The following PLA2G4A variants were observed in gnomAD, a reference collection of about 807,000 sequenced individuals.
PLA2G4A encodes the protein phospholipase A2 group IVA.
A neutral mutation model predicts 81.9 loss-of-function variants in PLA2G4A; 40 were observed. The observed-to-expected ratio is 0.49, with a 90% CI of 0.38 to 0.64. PLA2G4A has a LOEUF of 0.64. Ranked by LOEUF, PLA2G4A falls within the 30% of genes least tolerant of loss-of-function variation. The pLI is 0.00. For synonymous variants in PLA2G4A, 302 were observed against 296.9 expected (o/e 1.02, Z -0.18); for missense variants, 715 against 905.1 (o/e 0.79, Z 2.69).
intron 7 of PLA2G4A, among the ~76,000 whole-genome samples, chr1:186,923,758 T>A (rs1453256473): frequency 6.6e-6 from 1 of 152,240 alleles, no homozygotes; most frequent in Non-Finnish European, 1.5e-5. Context: ...TTCTTGTAAG[T>A]CATGACTGTC....
At chr1:186,846,058 T>C (rs1186312732) in intron 1 of PLA2G4A, among the ~76,000 whole-genome samples, 1 of 152,216 alleles carries the variant, frequency 6.6e-6, no homozygotes, top group Non-Finnish European at 1.5e-5. Context: ...TGCTATTTTA[T>C]GAGTATTCAT....
At chr1:186,851,901 T>A (rs10911929) in intron 1 of PLA2G4A, among the ~76,000 whole-genome samples, 33 of 151,978 alleles carry the variant, frequency 2.2e-4, no homozygotes, top group East Asian at 1.7e-3. Flanking sequence ...TAATAAGAGA[T>A]AAAGGAGAAA....
intron 1 of PLA2G4A, among the ~76,000 whole-genome samples, chr1:186,851,960 G>A (rs1365848105): frequency 6.6e-6 from 1 of 151,876 alleles, no homozygotes; most frequent in Non-Finnish European, 1.5e-5. Flanking sequence ...TAGAACAGAG[G>A]ATGAGGGATG....
chr1:186,851,225 G>A (rs1022518386), intron 1 of PLA2G4A, among the ~76,000 whole-genome samples: 1 of 151,916 alleles, frequency 6.6e-6, no homozygotes, highest in East Asian at 1.9e-4. Context: ...TACTGTCCTA[G>A]CATTGTCCTA....
intron 14 of PLA2G4A, among the ~76,000 whole-genome samples, chr1:186,963,367 T>C (rs1443677991): frequency 6.6e-6 from 1 of 152,226 alleles, no homozygotes; most frequent in Non-Finnish European, 1.5e-5. Flanking sequence ...GGTAGTCTAG[T>C]ATTTTGGCTG....
Position 186,939,140 on chromosome 1 carries a change from T to C in PLA2G4A, c.828T>C (p.Val276=). The change falls in exon 9 of 18, where the codon GTT becomes GTC. Residue 276 remains valine, a synonymous_variant. Coordinates refer to ENST00000367466, the MANE Select transcript of PLA2G4A (RefSeq NM_024420.3). ...LLTPQKVKRY[V]ESLWKKKSSG... ...CACCACAGAAAGTTAAAAGATATGT[T>C]GAGTCTTTATGGAAGAAGAAAAGCT... 6.2e-7 allele frequency: 1 copy of C among 1,609,526 alleles called. No homozygotes were observed.
intron 1 of PLA2G4A, among the ~76,000 whole-genome samples, chr1:186,829,237 C>A (rs577239617): frequency 1.3e-5 from 2 of 152,282 alleles, no homozygotes; most frequent in South Asian, 2.1e-4. Flanking sequence ...CAAACCCACG[C>A]AGATTTGCCT....
At chr1:186,897,512 A>T (rs946535616) in intron 5 of PLA2G4A, among the ~76,000 whole-genome samples, 5 of 151,954 alleles carry the variant, frequency 3.3e-5, no homozygotes, top group African/African-American at 1.2e-4. Context: ...TTTTATTTTT[A>T]TTTATTTATT....
At chr1:186,947,111 A>T in intron 12 of PLA2G4A, 150 bp downstream of exon 12, 1 of 602,166 alleles carries the variant, frequency 1.7e-6, no homozygotes, top group Non-Finnish European at 2.9e-6. Flanking sequence ...ATATTTCCTA[A>T]AAATAATATG....
chr1:186,881,788 T>C (rs10911944), intron 3 of PLA2G4A, among the ~76,000 whole-genome samples: 11,496 of 151,982 alleles, frequency 0.076, 537 homozygotes, highest in African/African-American at 0.12. Context: ...TAAAATGAAG[T>C]TTGAGTGGAG....
At chr1:186,862,672 C>T (rs748400389) in intron 2 of PLA2G4A, among the ~76,000 whole-genome samples, 4 of 152,136 alleles carry the variant, frequency 2.6e-5, no homozygotes, top group African/African-American at 9.7e-5. Flanking sequence ...CATTTGAAAA[C>T]CATCTGTGCA....
intron 1 of PLA2G4A, among the ~76,000 whole-genome samples, chr1:186,842,997 T>G (rs2102010010): frequency 6.6e-6 from 1 of 152,312 alleles, no homozygotes; most frequent in South Asian, 2.1e-4. Context: ...GAAAGGGGAT[T>G]CTAGGGCCAG....
At chr1:186,870,742 T>C (rs1201922060) in intron 3 of PLA2G4A, 7 of 1,546,664 alleles carry the variant, frequency 4.5e-6, no homozygotes, top group African/African-American at 1.4e-5. Flanking sequence ...TTTGGTGACA[T>C]GCGTAAGAGT....
At chr1:186,881,918 G>A (rs897057298) in intron 3 of PLA2G4A, among the ~76,000 whole-genome samples, 10 of 152,000 alleles carry the variant, frequency 6.6e-5, no homozygotes, top group African/African-American at 2.2e-4. Flanking sequence ...TGAGACTCTT[G>A]GACACAGGAG....
intron 17 of PLA2G4A, among the ~76,000 whole-genome samples, chr1:186,985,040 T>A (rs779817514): frequency 3.9e-4 from 60 of 152,198 alleles, no homozygotes; most frequent in Non-Finnish European, 7.5e-4. Context: ...TTGAACCACC[T>A]GTCTCTCAAG....
At chr1:186,863,854 G>A (rs1289315779) in intron 2 of PLA2G4A, among the ~76,000 whole-genome samples, 2 of 151,246 alleles carry the variant, frequency 1.3e-5, no homozygotes, top group East Asian at 1.9e-4. Flanking sequence ...TCCGCCTCCC[G>A]GGTTCAAGCC....
intron 14 of PLA2G4A, among the ~76,000 whole-genome samples, chr1:186,956,582 A>G (rs1264290664): frequency 1.3e-5 from 2 of 152,030 alleles, no homozygotes; most frequent in Non-Finnish European, 2.9e-5. Context: ...TGGCACAATC[A>G]TGGCTCACCG....
intron 17 of PLA2G4A, among the ~76,000 whole-genome samples, chr1:186,985,710 T>A (rs541306404): frequency 7.2e-5 from 11 of 152,204 alleles, no homozygotes; most frequent in African/African-American, 2.4e-4. Context: ...AATAGGAGGC[T>A]ACTGAATGGC....
intron 7 of PLA2G4A, among the ~76,000 whole-genome samples, chr1:186,922,885 G>T (rs898064637): frequency 3.3e-5 from 5 of 152,136 alleles, no homozygotes; most frequent in Admixed American, 1.3e-4. Context: ...CGTGACGGGG[G>T]GCTGCATGCA....
Sources: allele counts gnomAD v4.1 joint callset (sites outside exome capture counted in the v4.1 genomes callset), GRCh38; gene constraint gnomAD v4.1.1; transcripts MANE v1.5; gene names NCBI Gene and HGNC (gene_info 2026-07-23, HGNC 2026-07-21).